Variants in GPD1 observed in about 807,000 individuals in gnomAD.
GPD1 encodes the protein glycerol-3-phosphate dehydrogenase [NAD(+)], cytoplasmic.
GPD1 carries 19 observed loss-of-function variants against 34.4 expected under a neutral mutation model. The ratio of observed to expected loss-of-function variants is 0.55; its 90% CI spans 0.39 to 0.81. The LOEUF (loss-of-function observed/expected upper bound fraction) is 0.81. Ranked by LOEUF, GPD1 falls within the 30% of genes least tolerant of loss-of-function variation. The pLI is 0.00. For missense variants in GPD1, 429 were observed against 447.0 expected, an observed-to-expected ratio of 0.96 and a Z score of 0.36; for synonymous variants, 172 against 174.1, an observed-to-expected ratio of 0.99 and a Z score of 0.09.
Position 50,105,566 on chromosome 12 carries a change from G to C in GPD1, c.238G>C (p.Val80Leu). The C allele has an allele frequency of 6.2e-7, 1 of 1,613,796 alleles. No homozygotes were observed. Among genetic ancestry groups the C allele is most frequent in the Non-Finnish European group, 8.5e-7 (1 of 1,179,790 alleles). Residue 80 changes from valine (V) to leucine (L), a missense_variant, in exon 3 of 8, where the codon GTC becomes CTC. Physicochemically the swap from Val to Leu is conservative, Grantham distance 32 (BLOSUM62 1). Coordinates refer to ENST00000301149, the MANE Select transcript of GPD1 (RefSeq NM_005276.4). ...PPNVVAVPDV[V>L]QAAEDADILI... ...CCCACAGGTGGCTGTCCCAGATGTG[G>C]TCCAGGCTGCAGAGGATGCTGACAT...
In GPD1 at chr12:50,105,543, C is replaced by A. The variant is rs1375151998; in HGVS notation, c.220-5C>A. On this transcript the variant is annotated splice_region_variant and splice_polypyrimidine_tract_variant and intron_variant, in intron 2 of 7. Transcript: ENST00000301149. ...AGGCCCGCGAGCACTTGGTCACCCC[C>A]ACAGGTGGCTGTCCCAGATGTGGTC... 1.2e-6 allele frequency: 2 copies of A among 1,610,968 alleles called. No individual in the cohort carries two copies. The highest frequency in any genetic ancestry group is 2.2e-5 in the South Asian group (2 of 90,996).
chr12:50,107,827 A>C (rs1168898361), intron 6 of GPD1, 27 bp downstream of exon 6: 1 of 1,530,092 alleles, frequency 6.5e-7, no homozygotes, highest in Non-Finnish European at 9.1e-7. Context: ...GGGAGAACAG[A>C]GGGGCGGCTC....
At chr12:50,105,712 A>G (rs1367212683) in intron 3 of GPD1, 24 bp downstream of exon 3, 4 of 1,612,430 alleles carry the variant, frequency 2.5e-6, no homozygotes, top group Non-Finnish European at 3.4e-6. Flanking sequence ...CTTCATGTGG[A>G]TGGGGGAGGG....
Position 50,104,714 on chromosome 12 carries a change from TC to T in GPD1, c.183del (p.Lys62AsnfsTer28), listed in dbSNP as rs749266434. 6.1e-5 allele frequency: 99 copies of T among 1,614,008 alleles called. No homozygotes were observed. Among genetic ancestry groups the T allele is most frequent in the Non-Finnish European group, 8.1e-5 (95 of 1,180,004 alleles). On this transcript the variant is annotated frameshift_variant, in exon 2 of 8. Coordinates refer to ENST00000301149, the MANE Select transcript of GPD1 (RefSeq NM_005276.4). LOFTEE classifies it high-confidence loss of function. Reference protein sequence around the residue: ...TEIINTQHENVKYLPGHKLPP... With the variant: ...TEIINTQHENXKYLPGHKLPP... ...ATCATCAACACGCAGCATGAGAATG[TC>T]AAATACCTGCCAGGGCACAAGTTGC...
Position 50,109,586 on chromosome 12 carries a change from C to G in GPD1, c.*67C>G, listed in dbSNP as rs919383087. 2.5e-6 allele frequency: 2 copies of G among 807,148 alleles called. No individual in the cohort carries two copies. The highest frequency in any genetic ancestry group is 4.4e-6 in the Non-Finnish European group (2 of 449,914). 50.0% of individuals were successfully genotyped at this position (807,148 alleles called of 1,614,324 possible). On this transcript the variant is annotated 3_prime_UTR_variant, in exon 8 of 8. Coordinates refer to ENST00000301149, the MANE Select transcript of GPD1 (RefSeq NM_005276.4). Reference sequence around the variant, plus strand: ...GGAGACCAGCAGAAGCCTGGGGTACCTAGTCACCAGGATCTCCAGGACTCC... The same window carrying G: ...GGAGACCAGCAGAAGCCTGGGGTACGTAGTCACCAGGATCTCCAGGACTCC...
intron 2 of GPD1, chr12:50,105,299 G>A: frequency 1.8e-6 from 1 of 548,146 alleles, no homozygotes; most frequent in African/African-American, 1.9e-5. Context: ...CAAGGGATAG[G>A]AGAGTGCTGG....
chr12:50,106,621 C>T (rs1950980690), intron 4 of GPD1, among the ~76,000 whole-genome samples, 184 bp from the exon 5 acceptor site: 1 of 152,114 alleles, frequency 6.6e-6, no homozygotes, highest in Non-Finnish European at 1.5e-5. Flanking sequence ...GATGAGCCCT[C>T]CCTCAGAGTT....
Position 50,105,672 on chromosome 12 carries a change from G to A in GPD1, c.344G>A (p.Gly115Asp). 1 of 1,614,180 alleles carries A rather than the reference G, an allele frequency of 6.2e-7. No individual in the cohort carries two copies. Among genetic ancestry groups the A allele is most frequent in the Non-Finnish European group, 8.5e-7 (1 of 1,180,008 alleles). The stretch of plus-strand genomic sequence containing the variant: ...GGCCATCTGAAGGCAAACGCCACTG[G>A]CATATCTCTTATTAAGGTGCCAGGG... ...LKGHLKANAT[G>D]ISLIKGVDEG... The change falls in exon 3 of 8, where the codon GGC becomes GAC. Residue 115 changes from glycine (G) to aspartate (D), a missense_variant. Physicochemically the swap from Gly to Asp is moderately conservative, Grantham distance 94. Transcript: ENST00000301149.
At chr12:50,105,782 C>T (rs556148805) in intron 3 of GPD1, 94 bp downstream of exon 3, 65 of 1,284,754 alleles carry the variant, frequency 5.1e-5, no homozygotes, top group Admixed American at 7.4e-5. Flanking sequence ...AAATGGCAGA[C>T]GCAGGCCAAG....
chr12:50,108,140 G>A lies in GPD1; in HGVS notation c.953+10G>A, dbSNP rs1284382573. 3 of 1,481,806 alleles carry A rather than the reference G, an allele frequency of 2.0e-6. No homozygotes were observed. The highest frequency in any genetic ancestry group is 2.8e-6 in the Non-Finnish European group (3 of 1,062,838). The allele number at this position is 1,481,806 out of a possible 1,614,324, so 91.8% of individuals were successfully genotyped here. A position where few individuals can be genotyped will look rare whatever the true frequency, so the allele number is the denominator to read the frequency against. On this transcript the variant is annotated intron_variant, in intron 7 of 7. Transcript: ENST00000301149. Reference sequence around the variant, plus strand: ...AGGGCCTGGTAGACAAGTAAGTATTGGCCACAGCCCCACTGATTAAGGGAG... The same window carrying A: ...AGGGCCTGGTAGACAAGTAAGTATTAGCCACAGCCCCACTGATTAAGGGAG...
Position 50,105,615 on chromosome 12 carries a change from A to C in GPD1, c.287A>C (p.Gln96Pro). Reference sequence around the variant, plus strand: ...ATCCTGATCTTTGTGGTGCCCCATCAGTTCATCGGCAAGATCTGTGACCAG... The same window carrying C: ...ATCCTGATCTTTGTGGTGCCCCATCCGTTCATCGGCAAGATCTGTGACCAG... ...ADILIFVVPH[Q>P]FIGKICDQLK... The change falls in exon 3 of 8, where the codon CAG (glutamine) becomes CCG (proline). Residue 96 changes from glutamine (Q) to proline (P), a missense_variant. Transcript: ENST00000301149. 5 of 1,614,178 alleles carry C rather than the reference A, an allele frequency of 3.1e-6. No individual in the cohort carries two copies. Among genetic ancestry groups the C allele is most frequent in the Non-Finnish European group, 4.2e-6 (5 of 1,180,006 alleles).
intron 4 of GPD1, 81 bp from the exon 5 acceptor site, chr12:50,106,722 CAG>C: frequency 1.2e-6 from 1 of 813,812 alleles, no homozygotes; most frequent in Non-Finnish European, 1.9e-6. Flanking sequence ...GCCTGGGCAA[CAG>C]AGAGAGACTC....
At chr12:50,105,506 G>A (rs1334064813) in intron 2 of GPD1, 42 bp from the exon 3 acceptor site, 1 of 1,593,962 alleles carries the variant, frequency 6.3e-7, no homozygotes, top group East Asian at 2.2e-5. Context: ...CAGGGGCTAG[G>A]GGAGGTCTGC....
intron 7 of GPD1, 45 bp downstream of exon 7, chr12:50,108,175 G>A (rs1565748281): frequency 2.8e-6 from 3 of 1,074,972 alleles, no homozygotes; most frequent in Non-Finnish European, 2.8e-6. Flanking sequence ...GCCACAGCCA[G>A]AAGTGCTCGC....
Position 50,105,552 on chromosome 12 carries a change from C to T in GPD1, c.224C>T (p.Ala75Val), listed in dbSNP as rs1950971814. 1 of 1,611,278 alleles carries T rather than the reference C, an allele frequency of 6.2e-7. No homozygotes were observed. Among genetic ancestry groups the T allele is most frequent in the Non-Finnish European group, 8.5e-7 (1 of 1,177,866 alleles). Reference sequence around the variant, plus strand: ...AGCACTTGGTCACCCCCACAGGTGGCTGTCCCAGATGTGGTCCAGGCTGCA... The same window carrying T: ...AGCACTTGGTCACCCCCACAGGTGGTTGTCCCAGATGTGGTCCAGGCTGCA... ...PGHKLPPNVV[A>V]VPDVVQAAED... The change falls in exon 3 of 8, where the codon GCT becomes GTT. Residue 75 changes from alanine to valine, a missense_variant. Ala to Val is a moderately conservative substitution (Grantham distance 64). Transcript: ENST00000301149.
In GPD1 at chr12:50,106,300, G is replaced by A. The variant is rs1435028234; in HGVS notation, c.373G>A (p.Gly125Ser). The A allele has an allele frequency of 6.2e-7, 1 of 1,610,940 alleles. No homozygotes were observed. Among genetic ancestry groups the A allele is most frequent in the Non-Finnish European group, 8.5e-7 (1 of 1,178,992 alleles). ...GISLIKGVDE[G>S]PNGLKLISEV... ...ATCCTGTGCTCAGGGGGTAGACGAG[G>A]GCCCCAATGGGCTGAAGCTCATCTC... The change falls in exon 4 of 8, where the codon GGC (glycine) becomes AGC (serine). Residue 125 changes from glycine (G) to serine (S), a missense_variant. Transcript: ENST00000301149.
intron 2 of GPD1, chr12:50,105,338 C>T (rs1565746719): frequency 1.7e-6 from 1 of 593,958 alleles, no homozygotes; most frequent in Non-Finnish European, 3.0e-6. Context: ...CCTCAAGAGC[C>T]CAGGACAGCT....
chr12:50,105,941 C>T (rs1418433962), intron 3 of GPD1: 1 of 681,736 alleles, frequency 1.5e-6, no homozygotes, highest in East Asian at 2.8e-5. Flanking sequence ...AAAGGAATGC[C>T]TGGGAGATAT....
Position 50,107,751 on chromosome 12 carries a change from A to C in GPD1, c.797A>C (p.Tyr266Ser). Residue 266 changes from tyrosine (Y) to serine (S), a missense_variant, in exon 6 of 8, where the codon TAT becomes TCT. By Grantham distance (144) the Tyr-to-Ser change is moderately radical (BLOSUM62 -2). Transcript: ENST00000301149. Reference protein sequence around the residue: ...CGVADLITTCYGGRNRKVAEA... With the variant: ...CGVADLITTCSGGRNRKVAEA... ...GTTGCTGACCTGATCACTACCTGCTATGGAGGGCGGAACCGGAAAGTGGCT... is the reference window on the plus strand; with the variant it reads ...GTTGCTGACCTGATCACTACCTGCTCTGGAGGGCGGAACCGGAAAGTGGCT... 1.2e-6 allele frequency: 2 copies of C among 1,614,068 alleles called. No individual in the cohort carries two copies. Among genetic ancestry groups the C allele is most frequent in the East Asian group, 4.5e-5 (2 of 44,888 alleles).
Sources: gnomAD v4.1 joint callset for allele counts (sites outside exome capture counted in the v4.1 genomes callset) on GRCh38, gnomAD v4.1.1 for gene constraint, MANE v1.5 for transcripts, NCBI Gene and HGNC (gene_info 2026-07-23, HGNC 2026-07-21) for gene names.